The following KIAA1328 variants were observed in gnomAD, a reference collection of about 807,000 sequenced individuals.
KIAA1328 encodes the protein KIAA1328.
KIAA1328 carries 52 observed loss-of-function variants against 68.1 expected under a neutral mutation model. The ratio of observed to expected loss-of-function variants is 0.76; its 90% CI spans 0.61 to 0.96. KIAA1328 has a LOEUF of 0.96. KIAA1328 is among the 40% of genes least tolerant of loss of function. The pLI, the probability that KIAA1328 is intolerant of heterozygous loss-of-function variation, is 0.00. For missense variants in KIAA1328, 641 were observed against 677.6 expected (o/e 0.95, Z 0.60); for synonymous variants, 232 against 239.4 (o/e 0.97, Z 0.28).
chr18:36,845,675 A>G (rs371697682), intron 4 of KIAA1328, among the ~76,000 whole-genome samples: 1 of 151,816 alleles, frequency 6.6e-6, no homozygotes, highest in African/African-American at 2.4e-5. Context: ...AAAAAGTGAC[A>G]TATATGACTT....
At chr18:36,973,830 T>TACACACACACACACACAC (rs111392122) in intron 6 of KIAA1328, among the ~76,000 whole-genome samples, 8,927 of 147,166 alleles carry the variant, frequency 0.061, 350 homozygotes, top group Middle Eastern at 0.11. Flanking sequence ...CACACACACA[T>TACACACACACACACACAC]ACACACACAC....
intron 8 of KIAA1328, among the ~76,000 whole-genome samples, chr18:37,165,734 G>A (rs777557052): frequency 2.2e-4 from 34 of 151,904 alleles, no homozygotes; most frequent in Non-Finnish European, 4.1e-4. Context: ...TGGGACTACA[G>A]GCGCTCACCA....
At chr18:37,146,285 TTTGTGTC>T (rs1338616065) in intron 7 of KIAA1328, among the ~76,000 whole-genome samples, 1 of 152,126 alleles carries the variant, frequency 6.6e-6, no homozygotes, top group Non-Finnish European at 1.5e-5. Context: ...TGTTCCCCTC[TTTGTGTC>T]CATGTGTTCT....
At chr18:37,199,115 G>A (rs1316801126) in intron 9 of KIAA1328, among the ~76,000 whole-genome samples, 3 of 152,136 alleles carry the variant, frequency 2.0e-5, no homozygotes, top group Non-Finnish European at 4.4e-5. Flanking sequence ...TAAGTTCAAG[G>A]GTACATATGC....
chr18:36,988,332 C>CT (rs970737625), intron 6 of KIAA1328, among the ~76,000 whole-genome samples: 19 of 152,258 alleles, frequency 1.2e-4, no homozygotes, highest in Admixed American at 7.8e-4. Context: ...TGTTTCAACT[C>CT]TTTTTTACAT....
intron 5 of KIAA1328, among the ~76,000 whole-genome samples, chr18:36,921,932 TA>T (rs980652932): frequency 7.9e-5 from 12 of 152,106 alleles, no homozygotes; most frequent in East Asian, 1.9e-4. Context: ...TTTTTGAAAA[TA>T]TTTTTTTTTT....
intron 7 of KIAA1328, among the ~76,000 whole-genome samples, chr18:37,131,156 T>C (rs777851717): frequency 5.3e-5 from 8 of 152,238 alleles, no homozygotes; most frequent in Non-Finnish European, 1.0e-4. Context: ...GCTTGAGTTA[T>C]ACTTGTGTGA....
intron 6 of KIAA1328, among the ~76,000 whole-genome samples, chr18:37,012,522 G>A (rs576773038): frequency 2.0e-5 from 3 of 152,194 alleles, no homozygotes. Context: ...CTGCAAGGGA[G>A]TGTGGAATAT....
chr18:37,196,444 A>G (rs2060004725), intron 9 of KIAA1328, among the ~76,000 whole-genome samples: 1 of 152,050 alleles, frequency 6.6e-6, no homozygotes, highest in African/African-American at 2.4e-5. Flanking sequence ...TATGCCCTTT[A>G]TTAGTTTGAG....
At chr18:36,833,205 G>C (rs1469230790) in intron 1 of KIAA1328, 2 of 152,222 alleles carry the variant, frequency 1.3e-5, no homozygotes, top group African/African-American at 4.8e-5. Flanking sequence ...ATAGTAGCGG[G>C]AGGTAGGTAG....
chr18:36,834,909 C>T (rs992106778), intron 2 of KIAA1328, among the ~76,000 whole-genome samples: 2 of 152,082 alleles, frequency 1.3e-5, no homozygotes. Flanking sequence ...TTGCTTGATC[C>T]TGTAGTTCCA....
chr18:36,843,053 G>T (rs1163934114), intron 3 of KIAA1328, among the ~76,000 whole-genome samples: 1 of 151,662 alleles, frequency 6.6e-6, no homozygotes, highest in Non-Finnish European at 1.5e-5. Flanking sequence ...AATTATTAAA[G>T]AAAAATTTAA....
chr18:36,979,786 T>C (rs955932355), intron 6 of KIAA1328, among the ~76,000 whole-genome samples: 6 of 152,150 alleles, frequency 3.9e-5, no homozygotes, highest in Non-Finnish European at 5.9e-5. Flanking sequence ...ATTGGAACAA[T>C]ACTTTACTCA....
intron 6 of KIAA1328, among the ~76,000 whole-genome samples, chr18:37,037,307 G>C (rs1316448994): frequency 6.6e-6 from 1 of 152,134 alleles, no homozygotes; most frequent in Non-Finnish European, 1.5e-5. Flanking sequence ...GATCTTGTAA[G>C]AATGGCAGAA....
chr18:37,078,672 C>G (rs1324818070), intron 7 of KIAA1328, among the ~76,000 whole-genome samples: 1 of 148,508 alleles, frequency 6.7e-6, no homozygotes, highest in Non-Finnish European at 1.5e-5. Context: ...GGGCAAAGGA[C>G]ATGAACAGAC....
intron 5 of KIAA1328, among the ~76,000 whole-genome samples, chr18:36,943,783 T>C (rs1330681457): frequency 1.3e-5 from 2 of 152,174 alleles, no homozygotes; most frequent in African/African-American, 4.8e-5. Context: ...TATATATAGG[T>C]TATCCTAACT....
intron 7 of KIAA1328, among the ~76,000 whole-genome samples, chr18:37,142,244 T>G (rs1445332119): frequency 6.6e-6 from 1 of 152,168 alleles, no homozygotes; most frequent in Non-Finnish European, 1.5e-5. Context: ...CAGGCCGGAT[T>G]GCAGTGGCGT....
chr18:37,194,645 T>C (rs2059969032), intron 9 of KIAA1328, among the ~76,000 whole-genome samples: 1 of 152,128 alleles, frequency 6.6e-6, no homozygotes, highest in South Asian at 2.1e-4. Context: ...TAGTTTGTTA[T>C]GGTTGCTTTG....
chr18:37,152,816 A>T (rs1319621519), intron 7 of KIAA1328, among the ~76,000 whole-genome samples: 2 of 152,186 alleles, frequency 1.3e-5, no homozygotes, highest in Non-Finnish European at 2.9e-5. Context: ...CCCTTTTAAC[A>T]AAAAGCAGCC....
Sources: gnomAD v4.1 joint callset for allele counts (sites outside exome capture counted in the v4.1 genomes callset) on GRCh38, gnomAD v4.1.1 for gene constraint, MANE v1.5 for transcripts, NCBI Gene and HGNC (gene_info 2026-07-23, HGNC 2026-07-21) for gene names.